FMNL2: variants seen among roughly 807,000 people sequenced by gnomAD.
FMNL2 encodes formin like 2, also known as formin-like protein 2.
In FMNL2, 51 loss-of-function variants were observed where a neutral mutation model predicts 130.2. That is an observed-to-expected ratio of 0.39 (90% CI 0.31 to 0.49). FMNL2 has a LOEUF of 0.49. Among genes scored for constraint, FMNL2 ranks in the 20% least tolerant of loss-of-function variants. FMNL2 has a pLI of 0.85. For missense variants in FMNL2, 977 were observed against 1,316.2 expected, an observed-to-expected ratio of 0.74 and a Z score of 3.99; for synonymous variants, 465 against 467.1, an observed-to-expected ratio of 1.00 and a Z score of 0.06.
At chr2:152,517,936 G>A (rs1692867533) in intron 1 of FMNL2, among the ~76,000 whole-genome samples, 1 of 152,200 alleles carries the variant, frequency 6.6e-6, no homozygotes, top group Non-Finnish European at 1.5e-5. Flanking sequence ...AGTGGGTGAG[G>A]TAGAGTTGTC....
At chr2:152,459,197 A>G (rs1476114550) in intron 1 of FMNL2, among the ~76,000 whole-genome samples, 1 of 152,218 alleles carries the variant, frequency 6.6e-6, no homozygotes, top group Non-Finnish European at 1.5e-5. Flanking sequence ...TTGAGAACAT[A>G]TGGAGAGAAC....
Position 152,477,219 on chromosome 2 carries a change from C to T in FMNL2, c.118-44724C>T, listed in dbSNP as rs142937449. Among the ~76,000 whole-genome samples, 201 of 152,168 alleles carry T rather than the reference C, an allele frequency of 1.3e-3. 1 individual carries two copies. Among genetic ancestry groups the T allele is most frequent in the African/African-American group, 4.7e-3 (196 of 41,494 alleles). On this transcript the variant is annotated intron_variant, in intron 1 of 25. Coordinates refer to ENST00000288670, the MANE Select transcript of FMNL2 (RefSeq NM_052905.4). ...TACCAAGAATTATAGTGCAGTAAGC[C>T]ACAGCAGACAGCTAGCTGCTGAAAT... is the stretch of plus-strand genomic sequence containing the variant.
intron 1 of FMNL2, chr2:152,390,566 A>G (rs1056010784): frequency 3.5e-6 from 5 of 1,441,124 alleles, no homozygotes; most frequent in Non-Finnish European, 3.9e-6. Context: ...AACAGAAGAA[A>G]CAGGAGATTC....
At chr2:152,391,618 A>G (rs1419924432) in intron 1 of FMNL2, among the ~76,000 whole-genome samples, 2 of 151,848 alleles carry the variant, frequency 1.3e-5, no homozygotes, top group Non-Finnish European at 2.9e-5. Context: ...CTGTAGTTAG[A>G]CAGAGTTAGT....
At chr2:152,389,390 G>T (rs995457035) in intron 1 of FMNL2, among the ~76,000 whole-genome samples, 3 of 152,046 alleles carry the variant, frequency 2.0e-5, no homozygotes, top group Admixed American at 1.3e-4. Flanking sequence ...GCATTTACGA[G>T]GACTCCGCCT....
intron 1 of FMNL2, among the ~76,000 whole-genome samples, chr2:152,345,630 A>G (rs559073456): frequency 5.3e-5 from 8 of 152,324 alleles, no homozygotes; most frequent in East Asian, 1.9e-4. Context: ...TTTGGTGACA[A>G]TGGAGTATCT....
chr2:152,633,306 G>A (rs1286332880), intron 21 of FMNL2, among the ~76,000 whole-genome samples: 1 of 151,976 alleles, frequency 6.6e-6, no homozygotes, highest in Non-Finnish European at 1.5e-5. Flanking sequence ...GTGTTGCCTA[G>A]GCTGGTCTTG....
chr2:152,515,749 GT>G (rs997276672), intron 1 of FMNL2, among the ~76,000 whole-genome samples: 2 of 152,134 alleles, frequency 1.3e-5, no homozygotes, highest in African/African-American at 4.8e-5. Flanking sequence ...ATAACTACTT[GT>G]CAGGATTATA....
intron 1 of FMNL2, among the ~76,000 whole-genome samples, chr2:152,422,977 G>C (rs1164007530): frequency 6.6e-6 from 1 of 152,118 alleles, no homozygotes; most frequent in Non-Finnish European, 1.5e-5. Context: ...GTGCTATTAG[G>C]TTCTCTAGCT....
At chr2:152,387,410 A>G (rs1425110034) in intron 1 of FMNL2, among the ~76,000 whole-genome samples, 2 of 152,230 alleles carry the variant, frequency 1.3e-5, no homozygotes, top group African/African-American at 4.8e-5. Flanking sequence ...CTTGTTGAGT[A>G]CGGAGTGTGA....
At chr2:152,525,352 G>A (rs1471395061) in intron 2 of FMNL2, among the ~76,000 whole-genome samples, 3 of 152,182 alleles carry the variant, frequency 2.0e-5, no homozygotes, top group Non-Finnish European at 4.4e-5. Context: ...CAGGACATTG[G>A]AGATGACTAA....
intron 1 of FMNL2, among the ~76,000 whole-genome samples, chr2:152,370,099 A>G (rs1683788933): frequency 6.6e-6 from 1 of 152,230 alleles, no homozygotes. Flanking sequence ...TTATGGCTTC[A>G]TACCTTTTGT....
chr2:152,461,108 C>T (rs536008075), intron 1 of FMNL2, among the ~76,000 whole-genome samples: 3 of 152,200 alleles, frequency 2.0e-5, no homozygotes, highest in South Asian at 4.1e-4. Flanking sequence ...TGACCTCTGC[C>T]TTCAAAGAAT....
At chr2:152,445,143 A>G (rs1688267550) in intron 1 of FMNL2, among the ~76,000 whole-genome samples, 1 of 152,214 alleles carries the variant, frequency 6.6e-6, no homozygotes, top group Admixed American at 6.5e-5. Context: ...TCAGAGTCTC[A>G]ATTCTTTAAA....
chr2:152,626,871 G>A (rs535169840), intron 17 of FMNL2, 144 bp downstream of exon 17: 3 of 838,018 alleles, frequency 3.6e-6, no homozygotes, highest in African/African-American at 1.7e-5. Context: ...ACACTTGAGA[G>A]ATCTGAACTC....
At chr2:152,588,830 C>T (rs1008681543) in intron 9 of FMNL2, among the ~76,000 whole-genome samples, 2 of 151,990 alleles carry the variant, frequency 1.3e-5, no homozygotes, top group Admixed American at 1.3e-4. Flanking sequence ...CAAATATGCT[C>T]CCCAGTCACA....
At chr2:152,555,923 C>T (rs945519002) in intron 4 of FMNL2, among the ~76,000 whole-genome samples, 2 of 152,228 alleles carry the variant, frequency 1.3e-5, no homozygotes, top group African/African-American at 2.4e-5. Context: ...ATAGTCCTTG[C>T]ATGATCATTT....
At chr2:152,580,881 T>A in intron 8 of FMNL2, 75 bp from the exon 9 acceptor site, 1 of 1,320,562 alleles carries the variant, frequency 7.6e-7, no homozygotes. Context: ...TTCTCATGTA[T>A]CTTGGAAGGA....
chr2:152,466,209 G>T (rs190223062), intron 1 of FMNL2, among the ~76,000 whole-genome samples: 2 of 152,142 alleles, frequency 1.3e-5, no homozygotes, highest in South Asian at 4.1e-4. Flanking sequence ...CTGTCACTTG[G>T]CGCCTCCATC....
Sources: allele counts gnomAD v4.1 joint callset (sites outside exome capture counted in the v4.1 genomes callset), GRCh38; gene constraint gnomAD v4.1.1; transcripts MANE v1.5; gene names NCBI Gene and HGNC (gene_info 2026-07-23, HGNC 2026-07-21).